Variants in EIF4A3 observed in about 807,000 individuals in gnomAD.
The protein encoded by EIF4A3 is eukaryotic initiation factor 4A-III.
In EIF4A3, 1 loss-of-function variant was observed where a neutral mutation model predicts 55.6. The observed-to-expected ratio is 0.02, with a 90% CI of 0.01 to 0.09. The LOEUF (loss-of-function observed/expected upper bound fraction) is 0.09. Among genes scored for constraint, EIF4A3 ranks in the 10% least tolerant of loss-of-function variants. The pLI is 1.00. For synonymous variants in EIF4A3, 194 were observed against 196.3 expected (o/e 0.99, Z 0.10); for missense variants, 221 against 540.7 (o/e 0.41, Z 5.86).
Position 80,144,231 on chromosome 17 carries a change from T to C in EIF4A3, c.183A>G (p.Pro61=), listed in dbSNP as rs773885281. ...TGATTGCTCGTTGCTGGATTGCTGA[T>C]GGTTTTTCAAAACCTGCAAATAAAA... ...RGIYAYGFEK[P]SAIQQRAIKQ... The change falls in exon 2 of 12, where the codon CCA becomes CCG. Residue 61 remains proline, a synonymous_variant. Transcript: ENST00000649764. 3.1e-6 allele frequency: 5 copies of C among 1,614,102 alleles called. No individual in the cohort carries two copies. The highest frequency in any genetic ancestry group is 1.1e-5 in the South Asian group (1 of 91,086).
At chr17:80,136,199 A>G in intron 10 of EIF4A3, 29 bp downstream of exon 10, 2 of 1,613,268 alleles carry the variant, frequency 1.2e-6, no homozygotes, top group Non-Finnish European at 8.5e-7. Context: ...GTGTCACAGA[A>G]GTGAAGCCAA....
At chr17:80,139,791 C>T (rs768985057) in intron 5 of EIF4A3, 41 bp from the exon 6 acceptor site, 1 of 1,579,662 alleles carries the variant, frequency 6.3e-7, no homozygotes, top group Non-Finnish European at 8.7e-7. Context: ...CAAATCACAT[C>T]TATGAGATTT....
intron 5 of EIF4A3, 43 bp from the exon 6 acceptor site, chr17:80,139,793 A>G: frequency 1.3e-6 from 2 of 1,591,622 alleles, no homozygotes; most frequent in Non-Finnish European, 8.6e-7. Flanking sequence ...AATCACATCT[A>G]TGAGATTTTG....
rs758165241 is a variant in EIF4A3 at position 80,146,766 on chromosome 17, TGGCCCCCGC to T, written c.169+18_169+26del. ...GGCTCGCCCCCGACTCGCCCCCGGC[TGGCCCCCGC>T]GGCCCGCGCCCGCTCACCGTAAGCG... is the stretch of plus-strand genomic sequence containing the variant. On this transcript the variant is annotated intron_variant, in intron 1 of 11. Coordinates refer to ENST00000649764, the MANE Select transcript of EIF4A3 (RefSeq NM_014740.4). The T allele has an allele frequency of 1.3e-6, 2 of 1,598,198 alleles. No homozygotes were observed. Among genetic ancestry groups the T allele is most frequent in the Non-Finnish European group, 1.7e-6 (2 of 1,176,816 alleles).
At chr17:80,144,074 G>A (rs1400668440) in intron 2 of EIF4A3, 98 bp downstream of exon 2, 15 of 1,131,258 alleles carry the variant, frequency 1.3e-5, no homozygotes, top group Non-Finnish European at 1.8e-5. Context: ...GGAACTGAGC[G>A]TGTACAAGCT....
chr17:80,140,302 A>T, intron 4 of EIF4A3, 162 bp from the exon 5 acceptor site: 2 of 926,574 alleles, frequency 2.2e-6, no homozygotes, highest in Non-Finnish European at 2.9e-6. Context: ...GACAAAAACA[A>T]GTTAATTTTG....
chr17:80,138,749 G>A lies in EIF4A3; in HGVS notation c.728+272C>T, dbSNP rs72850886. On this transcript the variant is annotated intron_variant, in intron 7 of 11. Coordinates refer to ENST00000649764, the MANE Select transcript of EIF4A3 (RefSeq NM_014740.4). ...GTAGCTGGGACTATAGGCATGTGCC[G>A]CCCTACCTGGCTAATTTTTTATTAT... is the stretch of plus-strand genomic sequence containing the variant. 7.7e-3 allele frequency: 3,221 copies of A among 416,558 alleles called. 53 individuals are homozygous for A. Among genetic ancestry groups the A allele is most frequent in the African/African-American group, 0.043 (2,136 of 49,750 alleles). 25.8% of individuals were successfully genotyped at this position (416,558 alleles called of 1,614,324 possible). A position where few individuals can be genotyped will look rare whatever the true frequency, so the allele number is the denominator to read the frequency against.
At chr17:80,138,389 T>C (rs1195223333) in intron 7 of EIF4A3, 109 bp from the exon 8 acceptor site, 17 of 1,401,816 alleles carry the variant, frequency 1.2e-5, no homozygotes, top group Non-Finnish European at 1.7e-5. Context: ...CACACCGTGA[T>C]ATCTGGTGCA....
chr17:80,141,916 C>A lies in EIF4A3; in HGVS notation c.243-68G>T, dbSNP rs554954137. 42 of 1,372,638 alleles carry A rather than the reference C, an allele frequency of 3.1e-5. No homozygotes were observed. The African/African-American group carries it at 5.3e-4, about 17-fold the overall frequency. 85.0% of individuals were successfully genotyped at this position (1,372,638 alleles called of 1,614,324 possible). A position where few individuals can be genotyped will look rare whatever the true frequency, so the allele number is the denominator to read the frequency against. On this transcript the variant is annotated intron_variant, in intron 2 of 11. Transcript: ENST00000649764. ...GCCACGCCACAGCTGCACTCCAAGG[C>A]CTGGGCTCCAGAGGCACTTAGGTAC...
intron 2 of EIF4A3, among the ~76,000 whole-genome samples, chr17:80,142,889 AT>A (rs2039629317): frequency 6.6e-6 from 1 of 152,002 alleles, no homozygotes; most frequent in Non-Finnish European, 1.5e-5. Context: ...AAATACAAAA[AT>A]TAATTGGGCA....
At position 80,139,007 on chromosome 17, in the gene EIF4A3, A is replaced by C; in HGVS notation, c.728+14T>G. On this transcript the variant is annotated intron_variant, in intron 7 of 11. Coordinates refer to ENST00000649764, the MANE Select transcript of EIF4A3 (RefSeq NM_014740.4). The stretch of plus-strand genomic sequence containing the variant: ...GCCCAGTGTTTTAGTAAACTTGACA[A>C]GAGGGGCTCCTACCGTTTCACCAAG... The C allele has an allele frequency of 6.2e-7, 1 of 1,612,852 alleles. No individual in the cohort carries two copies. The highest frequency in any genetic ancestry group is 2.2e-5 in the East Asian group (1 of 44,868).
rs777070228 is a variant in EIF4A3 at position 80,146,818 on chromosome 17, G to A, written c.144C>T (p.Asp48=). Residue 48 remains aspartate (D), a synonymous_variant, in exon 1 of 12, where the codon GAC becomes GAT. Transcript: ENST00000649764. ...CGTAAGCGTAGATGCCCCGCAGCAG[G>A]TCCTCCCGCAGGCCCATGGTGTCGA... The part of the protein sequence containing the change: ...PTFDTMGLRE[D]LLRGIYAYGF... 2.5e-5 allele frequency: 40 copies of A among 1,610,268 alleles called. No homozygotes were observed. The highest frequency in any genetic ancestry group is 2.9e-5 in the Non-Finnish European group (34 of 1,179,022).
intron 2 of EIF4A3, 62 bp downstream of exon 2, chr17:80,144,110 C>T: frequency 6.7e-7 from 1 of 1,503,458 alleles, no homozygotes; most frequent in East Asian, 2.3e-5. Flanking sequence ...CCCAGAGCAT[C>T]TAACTGCACT....
chr17:80,137,236 A>G (rs890744857), intron 9 of EIF4A3, 150 bp downstream of exon 9: 10 of 604,202 alleles, frequency 1.7e-5, no homozygotes, highest in Non-Finnish European at 2.8e-5. Flanking sequence ...CCTTAACTGG[A>G]AGGTTTTCTG....
intron 2 of EIF4A3, among the ~76,000 whole-genome samples, chr17:80,143,928 C>T (rs189861287): frequency 1.3e-5 from 2 of 152,158 alleles, no homozygotes; most frequent in East Asian, 1.9e-4. Flanking sequence ...TGCAGTGAGC[C>T]GAGATGGCAC....
At chr17:80,136,561 C>G (rs4889977) in intron 9 of EIF4A3, 14,434 of 538,772 alleles carry the variant, frequency 0.027, 662 homozygotes, top group East Asian at 0.14. Flanking sequence ...TGTGCTCCAT[C>G]AGATTAAAAA....
In EIF4A3 at chr17:80,140,633, C is replaced by T. The variant is rs145251594; in HGVS notation, c.373-493G>A. Among the ~76,000 whole-genome samples the T allele has an allele frequency of 1.2e-3, 181 of 152,298 alleles. 6 individuals are homozygous for T. In the East Asian group the frequency reaches 0.034, roughly 28 times the overall value. On this transcript the variant is annotated intron_variant, in intron 4 of 11. Transcript: ENST00000649764. ...AAAGTGCTGGGATTACAGGCGTGAG[C>T]CACCACACCCGGCCTGCTGGTTTCT...
At chr17:80,141,422 T>C (rs1324073130) in intron 3 of EIF4A3, 41 bp from the exon 4 acceptor site, 1 of 1,583,482 alleles carries the variant, frequency 6.3e-7, no homozygotes, top group East Asian at 2.2e-5. Flanking sequence ...ATCCGCAGTA[T>C]TATCAAAGTG....
rs2039561007 is a variant in EIF4A3, at chr17:80,135,226, G to A, written c.*264C>T. The A allele has an allele frequency of 5.2e-6, 2 of 387,290 alleles. No homozygotes were observed. The highest frequency in any genetic ancestry group is 4.0e-5 in the East Asian group (1 of 25,276). The allele number at this position is 387,290 out of a possible 1,614,324, so 24.0% of individuals were successfully genotyped here. A position where few individuals can be genotyped will look rare whatever the true frequency, so the allele number is the denominator to read the frequency against. ...CAAGACTACACAGTAAGTTACTAGA[G>A]AAGGTGGTGGCACCTTAGAAGTATA... On this transcript the variant is annotated 3_prime_UTR_variant, in exon 12 of 12. Coordinates refer to ENST00000649764, the MANE Select transcript of EIF4A3 (RefSeq NM_014740.4).
Sources: allele counts gnomAD v4.1 joint callset (sites outside exome capture counted in the v4.1 genomes callset), GRCh38; gene constraint gnomAD v4.1.1; transcripts MANE v1.5; gene names NCBI Gene and HGNC (gene_info 2026-07-23, HGNC 2026-07-21).